DYNC2H1: variants seen among roughly 807,000 people sequenced by gnomAD.
The protein encoded by DYNC2H1 is dynein cytoplasmic 2 heavy chain 1.
In DYNC2H1, 410 loss-of-function variants were observed where a neutral mutation model predicts 570.0. The observed-to-expected ratio is 0.72, with a 90% CI of 0.66 to 0.78. DYNC2H1 has a LOEUF of 0.78. DYNC2H1 is among the 30% of genes least tolerant of loss of function. DYNC2H1 has a pLI of 0.00. For missense variants in DYNC2H1, 4,865 were observed against 5,046.4 expected, an observed-to-expected ratio of 0.96 and a Z score of 1.09; for synonymous variants, 1,688 against 1,677.6, an observed-to-expected ratio of 1.01 and a Z score of -0.15.
rs778083367 is a variant in DYNC2H1, at chr11:103,163,103, C to A, written c.4567C>A (p.Arg1523=). 6.8e-6 allele frequency: 11 copies of A among 1,612,862 alleles called. No individual in the cohort carries two copies. The highest frequency in any genetic ancestry group is 9.3e-6 in the Non-Finnish European group (11 of 1,179,168). ...QLLKECVTTG[R]SSQGAVDPSL... ...GTTGAAGGAATGTGTTACTACTGGG[C>A]GAAGTTCTCAAGGTGCAGTTGACCC... The change falls in exon 30 of 89, where the codon CGA becomes AGA. Residue 1523 remains arginine, a synonymous_variant. Coordinates refer to ENST00000375735, the MANE Select transcript of DYNC2H1 (RefSeq NM_001377.3). This position sits in a 1 kb window ranked among gnomAD's most constrained non-coding sequence, Gnocchi z 4.6.
At position 103,245,888 on chromosome 11, in the gene DYNC2H1, G is replaced by A. The variant is rs1165034715; in HGVS notation, c.10042+514G>A. Among the ~76,000 whole-genome samples the A allele has an allele frequency of 6.6e-6, 1 of 152,086 alleles. No individual in the cohort carries two copies. The highest frequency in any genetic ancestry group is 1.5e-5 in the Non-Finnish European group (1 of 67,986). On this transcript the variant is annotated intron_variant, in intron 65 of 88. Transcript: ENST00000375735. The surrounding 1 kb of genome is among the most constrained non-coding windows in gnomAD (Gnocchi z 4.5). ...AAGGCTATGCCTTGAAACTTAAAGA[G>A]CATATCATGCAAAGTGTATACACAT...
chr11:103,404,166 A>G (rs1942764454), intron 84 of DYNC2H1: 1 of 151,970 alleles, frequency 6.6e-6, no homozygotes, highest in East Asian at 1.9e-4. Context: ...TGCATGAGCC[A>G]TTAAGACATA....
In DYNC2H1 at chr11:103,145,278, A is replaced by C. The variant is rs542347874; in HGVS notation, c.2702+1883A>C. Among the ~76,000 whole-genome samples, 4 of 152,336 alleles carry C rather than the reference A, an allele frequency of 2.6e-5. No individual in the cohort carries two copies. The East Asian group carries it at 7.7e-4, about 29-fold the overall frequency. ...ATTTATTGGAGGAAGATGAGGGATT[A>C]GGAATAGGAAGAGACAAATGACTTG... On this transcript the variant is annotated intron_variant, in intron 18 of 88. Coordinates refer to ENST00000375735, the MANE Select transcript of DYNC2H1 (RefSeq NM_001377.3). The surrounding 1 kb of genome is among the most constrained non-coding windows in gnomAD (Gnocchi z 4.2).
At chr11:103,130,922 C>T (rs1474034534) in intron 13 of DYNC2H1, among the ~76,000 whole-genome samples, 1 of 152,126 alleles carries the variant, frequency 6.6e-6, no homozygotes, top group Non-Finnish European at 1.5e-5. Context: ...GTATGATGCT[C>T]TACTCACTAT....
chr11:103,353,869 T>C (rs367826322), intron 82 of DYNC2H1, among the ~76,000 whole-genome samples: 3 of 152,104 alleles, frequency 2.0e-5, no homozygotes, highest in African/African-American at 7.2e-5. Context: ...TTTGGATTCA[T>C]TAATATCATT....
intron 53 of DYNC2H1, among the ~76,000 whole-genome samples, chr11:103,211,071 T>G (rs1176855625): frequency 6.6e-6 from 1 of 152,018 alleles, no homozygotes; most frequent in Non-Finnish European, 1.5e-5. Flanking sequence ...AGAGACAAGA[T>G]GAAGGCCTAA....
Position 103,129,681 on chromosome 11 carries a change from C to CA in DYNC2H1, c.1953+685dup, listed in dbSNP as rs201616295. Among the ~76,000 whole-genome samples the CA allele has an allele frequency of 0.021, 2,965 of 144,114 alleles. 41 individuals are homozygous for CA. The highest frequency in any genetic ancestry group is 0.026 in the Non-Finnish European group (1,742 of 65,838). The allele number at this position is 144,114 out of a possible 152,430, so 94.5% of individuals were successfully genotyped here. ...CCTGGGAGACAGAGCGACTCCATCT[C>CA]AAAAAAAAAGAAAAAAAAGAAAGAA... On this transcript the variant is annotated intron_variant, in intron 13 of 88. Coordinates refer to ENST00000375735, the MANE Select transcript of DYNC2H1 (RefSeq NM_001377.3). The surrounding 1 kb of genome is among the most constrained non-coding windows in gnomAD (Gnocchi z 4.1).
rs562537398 is a variant in DYNC2H1 at position 103,215,929 on chromosome 11, T to C, written c.8832+71T>C. 3.3e-6 allele frequency: 5 copies of C among 1,514,722 alleles called. No homozygotes were observed. In the South Asian group the frequency reaches 6.4e-5, roughly 19 times the overall value. The allele number at this position is 1,514,722 out of a possible 1,614,324, so 93.8% of individuals were successfully genotyped here. On this transcript the variant is annotated intron_variant, in intron 55 of 88. Coordinates refer to ENST00000375735, the MANE Select transcript of DYNC2H1 (RefSeq NM_001377.3). Reference sequence around the variant, plus strand: ...TTTATGCCTGATAGTCAGTGAAAAATAACATTTTCACTTAGGTGGATTTAA... The same window carrying C: ...TTTATGCCTGATAGTCAGTGAAAAACAACATTTTCACTTAGGTGGATTTAA...
chr11:103,154,058 A>C (rs1860693882), intron 22 of DYNC2H1, among the ~76,000 whole-genome samples: 2 of 151,928 alleles, frequency 1.3e-5, no homozygotes, highest in Admixed American at 1.3e-4. Context: ...CTTATACTCT[A>C]GAAGCTTGCC....
chr11:103,295,131 C>T (rs776864169), intron 75 of DYNC2H1, among the ~76,000 whole-genome samples: 4 of 152,116 alleles, frequency 2.6e-5, no homozygotes, highest in Non-Finnish European at 4.4e-5. Flanking sequence ...GTCACTGTGT[C>T]CTGACTGCCA....
chr11:103,447,800 T>G (rs993392105), intron 85 of DYNC2H1, among the ~76,000 whole-genome samples: 14 of 152,134 alleles, frequency 9.2e-5, no homozygotes, highest in African/African-American at 3.1e-4. Context: ...TCGGGTAAAG[T>G]TGTTTTGTTT....
chr11:103,384,789 C>T (rs117114242), intron 83 of DYNC2H1, among the ~76,000 whole-genome samples: 199 of 152,080 alleles, frequency 1.3e-3, no homozygotes, highest in Non-Finnish European at 2.3e-3. Context: ...TGGATTTGCC[C>T]CATGTTTATC....
chr11:103,222,280 T>C (rs1221113940), intron 58 of DYNC2H1, 127 bp downstream of exon 58: 2 of 631,652 alleles, frequency 3.2e-6, no homozygotes, highest in Admixed American at 3.7e-5. Flanking sequence ...AATAAGCTTA[T>C]AGGAATTACA....
rs775259300 is a variant in DYNC2H1 at position 103,312,380 on chromosome 11, C to CAA, written c.11649+368_11649+369dup. Among the ~76,000 whole-genome samples, 353 of 48,012 alleles carry CAA rather than the reference C, an allele frequency of 7.4e-3. 8 individuals are homozygous for CAA. Among genetic ancestry groups the CAA allele is most frequent in the African/African-American group, 0.028 (307 of 10,868 alleles). The allele number at this position is 48,012 out of a possible 152,430, so 31.5% of individuals were successfully genotyped here. ...GGGCAACAAGAGCAAAACTCCATCTCAAAAAAAAAAAAAAAAAAAAAAGTA... is the reference window on the plus strand; with the variant it reads ...GGGCAACAAGAGCAAAACTCCATCTCAAAAAAAAAAAAAAAAAAAAAAAAGTA... On this transcript the variant is annotated intron_variant, in intron 79 of 88. Coordinates refer to ENST00000375735, the MANE Select transcript of DYNC2H1 (RefSeq NM_001377.3).
At chr11:103,140,400 A>G (rs1305048130) in intron 17 of DYNC2H1, among the ~76,000 whole-genome samples, 4 of 152,056 alleles carry the variant, frequency 2.6e-5, no homozygotes, top group African/African-American at 9.7e-5. Flanking sequence ...CTTTTAGGGC[A>G]GGCCTGGTGG....
At chr11:103,138,755 T>C (rs1355179408) in intron 17 of DYNC2H1, among the ~76,000 whole-genome samples, 1 of 152,214 alleles carries the variant, frequency 6.6e-6, no homozygotes, top group Non-Finnish European at 1.5e-5. Context: ...ATTCCCTCTT[T>C]TTCTATTGAT....
At chr11:103,411,568 C>A (rs1943089039) in intron 84 of DYNC2H1, among the ~76,000 whole-genome samples, 1 of 150,916 alleles carries the variant, frequency 6.6e-6, no homozygotes, top group Non-Finnish European at 1.5e-5. Flanking sequence ...AACTTTAAAT[C>A]ATTTTCTATG....
rs1370992456 is a variant in DYNC2H1, at chr11:103,152,090, T to TA, written c.2947-42dup. 6 of 1,463,518 alleles carry TA rather than the reference T, an allele frequency of 4.1e-6. No homozygotes were observed. The Admixed American group carries it at 1.3e-4, about 32-fold the overall frequency. The allele number at this position is 1,463,518 out of a possible 1,614,324, so 90.7% of individuals were successfully genotyped here. On this transcript the variant is annotated intron_variant, in intron 20 of 88. Transcript: ENST00000375735. ...ATAAATGAAATCTTAAGAGATTTGA[T>TA]AAAATAGGTTGTTATTCAATTTGTT... is the stretch of plus-strand genomic sequence containing the variant.
chr11:103,188,538 G>T lies in DYNC2H1; in HGVS notation c.7182G>T (p.Trp2394Cys). Residue 2394 changes from tryptophan to cysteine, a missense_variant, in exon 44 of 89, where the codon TGG becomes TGT. Coordinates refer to ENST00000375735, the MANE Select transcript of DYNC2H1 (RefSeq NM_001377.3). Reference protein sequence around the residue: ...YQGFYDENLEWVGLENIQIVA... With the variant: ...YQGFYDENLECVGLENIQIVA... ...GATTTTATGATGAAAATTTGGAATG[G>T]GTTGGTCTAGAAAATATTCAAATTG... is the stretch of plus-strand genomic sequence containing the variant. 2 of 1,608,654 alleles carry T rather than the reference G, an allele frequency of 1.2e-6. No individual in the cohort carries two copies. The highest frequency in any genetic ancestry group is 1.7e-6 in the Non-Finnish European group (2 of 1,176,614).
Sources: gnomAD v4.1 joint callset for allele counts (sites outside exome capture counted in the v4.1 genomes callset) on GRCh38, gnomAD v4.1.1 for gene constraint, Gnocchi (gnomAD v3.1) non-coding constraint, MANE v1.5 for transcripts, NCBI Gene and HGNC (gene_info 2026-07-23, HGNC 2026-07-21) for gene names.